The following NHSL1 variants were observed in gnomAD, a reference collection of about 807,000 sequenced individuals.
The protein encoded by NHSL1 is NHS like 1, also known as NHS-like protein 1.
NHSL1 carries 48 observed loss-of-function variants against 95.0 expected under a neutral mutation model. The observed-to-expected ratio is 0.51, with a 90% CI of 0.40 to 0.64. The LOEUF (loss-of-function observed/expected upper bound fraction) is 0.64, where lower values mean the gene tolerates loss of function less well. Among genes scored for constraint, NHSL1 ranks in the 30% least tolerant of loss-of-function variants. The probability of loss-of-function intolerance (pLI) is 0.00; values close to 1 mark genes in which losing one functional copy is unlikely to be tolerated. For missense variants in NHSL1, 1,971 were observed against 2,077.7 expected, an observed-to-expected ratio of 0.95 and a Z score of 1.00; for synonymous variants, 783 against 833.9, an observed-to-expected ratio of 0.94 and a Z score of 1.05.
intron 1 of NHSL1, among the ~76,000 whole-genome samples, chr6:138,645,364 A>C (rs755291287): frequency 1.3e-5 from 2 of 152,020 alleles, no homozygotes; most frequent in Non-Finnish European, 2.9e-5. Flanking sequence ...AGTCACCTTA[A>C]TGAGGCCTAC....
rs149480054 is a variant in NHSL1 at position 138,513,541 on chromosome 6, T to C, written c.17-17170A>G. ...CTTTTTGAAAAGTTTCCCTGTGTGTTGAAATTGGATTTTATTTTCTTGAAT... is the reference window on the plus strand; with the variant it reads ...CTTTTTGAAAAGTTTCCCTGTGTGTCGAAATTGGATTTTATTTTCTTGAAT... On this transcript the variant is annotated intron_variant, in intron 1 of 4. Coordinates refer to the NHSL1 transcript ENST00000342260. Among the ~76,000 whole-genome samples, 944 of 152,222 alleles carry C rather than the reference T, an allele frequency of 6.2e-3. 23 individuals are homozygous for C. Among genetic ancestry groups the C allele is most frequent in the Admixed American group, 0.048 (732 of 15,284 alleles).
chr6:138,655,231 A>G (rs1216845161), intron 1 of NHSL1, among the ~76,000 whole-genome samples: 2 of 152,238 alleles, frequency 1.3e-5, no homozygotes, highest in African/African-American at 4.8e-5. Context: ...ATAAAAATAC[A>G]ATTAAAAATA....
chr6:138,602,668 TC>T (rs1784387281), intron 1 of NHSL1, among the ~76,000 whole-genome samples: 1 of 152,214 alleles, frequency 6.6e-6, no homozygotes, highest in Non-Finnish European at 1.5e-5. Context: ...AATTTCAGTT[TC>T]CATGGAAATG....
chr6:138,484,779 C>A (rs1192552202), intron 2 of NHSL1, among the ~76,000 whole-genome samples: 1 of 152,030 alleles, frequency 6.6e-6, no homozygotes, highest in African/African-American at 2.4e-5. Flanking sequence ...CAACAAAAAA[C>A]CTTAAGGAGT....
Position 138,487,784 on chromosome 6 carries a change from C to T in NHSL1, c.211+8435G>A, listed in dbSNP as rs572484148. On this transcript the variant is annotated intron_variant, in intron 2 of 7. Transcript: ENST00000343505. ...TCTCCCATCTCATCTTCTGGAATCA[C>T]TAATGACAACAAAACAAGATGTCAG... is the stretch of plus-strand genomic sequence containing the variant. Among the ~76,000 whole-genome samples, 17 of 152,286 alleles carry T rather than the reference C, an allele frequency of 1.1e-4. No individual in the cohort carries two copies. In the East Asian group the frequency reaches 2.7e-3, roughly 24 times the overall value.
chr6:138,553,830 T>TACAAACAC (rs935488007), intron 1 of NHSL1, among the ~76,000 whole-genome samples: 2 of 152,228 alleles, frequency 1.3e-5, no homozygotes, highest in African/African-American at 4.8e-5. Flanking sequence ...GAGTCTCATT[T>TACAAACAC]ACAAACACAC....
At chr6:138,488,573 G>A (rs1382989466) in intron 2 of NHSL1, among the ~76,000 whole-genome samples, 4 of 152,186 alleles carry the variant, frequency 2.6e-5, no homozygotes, top group Non-Finnish European at 4.4e-5. Flanking sequence ...AACATGTCAT[G>A]TGATGCTTCC....
intron 3 of NHSL1, among the ~76,000 whole-genome samples, chr6:138,455,546 T>G (rs896352708): frequency 7.6e-6 from 1 of 132,428 alleles, no homozygotes; most frequent in Non-Finnish European, 1.7e-5. Context: ...ACATGCTCCC[T>G]GCAAGGAGCC....
chr6:138,615,001 T>C (rs1241484009), intron 1 of NHSL1, among the ~76,000 whole-genome samples: 1 of 138,292 alleles, frequency 7.2e-6, no homozygotes, highest in African/African-American at 2.7e-5. Context: ...TGAGGACCAC[T>C]GCCCTAGATC....
At chr6:138,511,224 C>T (rs1781208697) in intron 1 of NHSL1, among the ~76,000 whole-genome samples, 1 of 152,144 alleles carries the variant, frequency 6.6e-6, no homozygotes, top group Non-Finnish European at 1.5e-5. Flanking sequence ...TTTGGAAGGA[C>T]TAAGTAAGAT....
intron 1 of NHSL1, among the ~76,000 whole-genome samples, chr6:138,660,572 T>C (rs7739713): frequency 0.042 from 6,026 of 145,178 alleles, 316 homozygotes; most frequent in African/African-American, 0.13. Context: ...ACCCGGGAGG[T>C]GGAGCTTGCA....
At chr6:138,500,188 TA>T (rs1562330558), upstream of NHSL1, among the ~76,000 whole-genome samples, 1 of 152,182 alleles carries the variant, frequency 6.6e-6, no homozygotes, top group African/African-American at 2.4e-5. Context: ...AATTGTCACT[TA>T]GGCTCCTGGT....
rs937401922 is a variant in NHSL1, at chr6:138,598,627, G to T, written c.96+93849C>A. ...CAACAAAGCAAGACTTCATCTGGAA[G>T]AAAAAAAAAAAAAAAAAAAAGCAGC... On this transcript the variant is annotated intron_variant, in intron 1 of 3. Coordinates refer to the NHSL1 transcript ENST00000491526. Among the ~76,000 whole-genome samples the T allele has an allele frequency of 3.9e-4, 34 of 86,848 alleles. 1 individual carries two copies. In the East Asian group the frequency reaches 7.8e-3, roughly 20 times the overall value. 57.0% of individuals were successfully genotyped at this position (86,848 alleles called of 152,430 possible).
intron 1 of NHSL1, among the ~76,000 whole-genome samples, chr6:138,536,601 T>C (rs35881553): frequency 0.12 from 12,404 of 107,448 alleles, 865 homozygotes; most frequent in Middle Eastern, 0.19. Flanking sequence ...ACATATGTCA[T>C]CTTTTTTTTT....
intron 2 of NHSL1, among the ~76,000 whole-genome samples, chr6:138,474,459 C>CA (rs1370426914): frequency 3.3e-5 from 5 of 152,008 alleles, no homozygotes; most frequent in Admixed American, 3.3e-4. Context: ...AATATTAGAC[C>CA]AATTTTAAAT....
intron 1 of NHSL1, among the ~76,000 whole-genome samples, chr6:138,597,737 G>C (rs1217915934): frequency 2.6e-5 from 4 of 152,058 alleles, no homozygotes; most frequent in Admixed American, 2.6e-4. Context: ...AATATGAAAA[G>C]GTAAAAATGG....
intron 1 of NHSL1, among the ~76,000 whole-genome samples, chr6:138,511,062 A>G (rs1338763043): frequency 6.6e-6 from 1 of 152,230 alleles, no homozygotes; most frequent in Non-Finnish European, 1.5e-5. Flanking sequence ...AAAATCAACC[A>G]GGAAGCGAAA....
intron 1 of NHSL1, among the ~76,000 whole-genome samples, chr6:138,525,576 T>A (rs190054132): frequency 3.0e-4 from 41 of 136,040 alleles, no homozygotes; most frequent in South Asian, 7.0e-4. Context: ...AATAAATAAA[T>A]AAAAAGGGAA....
intron 1 of NHSL1, among the ~76,000 whole-genome samples, chr6:138,497,000 T>G (rs1418571323): frequency 6.6e-6 from 1 of 152,198 alleles, no homozygotes; most frequent in African/African-American, 2.4e-5. Context: ...CCTTTTATAT[T>G]AAACATTTTT....
Sources: gnomAD v4.1 joint callset for allele counts (sites outside exome capture counted in the v4.1 genomes callset) on GRCh38, gnomAD v4.1.1 for gene constraint, MANE v1.5 for transcripts, NCBI Gene and HGNC (gene_info 2026-07-23, HGNC 2026-07-21) for gene names.